KIF13B: variants seen among roughly 807,000 people sequenced by gnomAD.
The protein encoded by KIF13B is kinesin family member 13B.
Under a neutral mutation model 222.0 loss-of-function variants are expected in KIF13B, and 127 were observed. That is an observed-to-expected ratio of 0.57 (90% confidence interval 0.50 to 0.66). The LOEUF (loss-of-function observed/expected upper bound fraction) is 0.66. KIF13B is among the 30% of genes least tolerant of loss of function. KIF13B has a pLI of 0.00. For synonymous variants in KIF13B, 976 were observed against 919.0 expected (o/e 1.06, Z -1.12); for missense variants, 2,173 against 2,379.0 (o/e 0.91, Z 1.80).
chr8:29,247,344 T>C (rs1251687664), intron 1 of KIF13B, among the ~76,000 whole-genome samples: 1 of 152,162 alleles, frequency 6.6e-6, no homozygotes, highest in African/African-American at 2.4e-5. Context: ...GCTATGAGTG[T>C]GCCACTGCAC....
chr8:29,171,540 G>A (rs1006388111), intron 10 of KIF13B, among the ~76,000 whole-genome samples: 1 of 152,030 alleles, frequency 6.6e-6, no homozygotes, highest in African/African-American at 2.4e-5. Flanking sequence ...ACTAGGATCT[G>A]GGTGAGTCAG....
intron 14 of KIF13B, among the ~76,000 whole-genome samples, chr8:29,154,521 G>A (rs1185639177): frequency 6.6e-6 from 1 of 152,210 alleles, no homozygotes; most frequent in African/African-American, 2.4e-5. Flanking sequence ...GGTACTGTCA[G>A]AAAGTGGGAG....
chr8:29,167,955 CCTT>C (rs1022440401), intron 10 of KIF13B, among the ~76,000 whole-genome samples: 2 of 152,188 alleles, frequency 1.3e-5, no homozygotes, highest in African/African-American at 2.4e-5. Flanking sequence ...ACATCTTCCT[CCTT>C]AGAGGAACAA....
At chr8:29,253,683 A>T (rs1363611365) in intron 1 of KIF13B, among the ~76,000 whole-genome samples, 3 of 151,996 alleles carry the variant, frequency 2.0e-5, no homozygotes, top group Non-Finnish European at 4.4e-5. Context: ...TACAAAAATT[A>T]GCCAGGCAGG....
intron 37 of KIF13B, among the ~76,000 whole-genome samples, chr8:29,083,883 A>C (rs1223404544): frequency 6.6e-6 from 1 of 152,138 alleles, no homozygotes; most frequent in East Asian, 1.9e-4. Context: ...TTTAAGAAAA[A>C]TGAAGGCTGG....
rs1297826440 is a variant in KIF13B at position 29,071,056 on chromosome 8, G to GC, written c.5219-291dup. Reference sequence around the variant, plus strand: ...ACAGGCCCTGGGGGCCCTGGGGAGTGCCTTGTGGAAGCATAGGTGCAGGCC... The same window carrying GC: ...ACAGGCCCTGGGGGCCCTGGGGAGTGCCCTTGTGGAAGCATAGGTGCAGGCC... On this transcript the variant is annotated intron_variant, in intron 39 of 39. Coordinates refer to ENST00000524189, the MANE Select transcript of KIF13B (RefSeq NM_015254.4). This position sits in a 1 kb window ranked among gnomAD's most constrained non-coding sequence, Gnocchi z 4.9. Among the ~76,000 whole-genome samples the GC allele has an allele frequency of 6.6e-6, 1 of 152,204 alleles. No homozygotes were observed. Among genetic ancestry groups the GC allele is most frequent in the East Asian group, 1.9e-4 (1 of 5,186 alleles).
intron 36 of KIF13B, among the ~76,000 whole-genome samples, chr8:29,094,673 G>A (rs756521771): frequency 2.8e-4 from 42 of 152,092 alleles, no homozygotes; most frequent in Non-Finnish European, 5.9e-4. Context: ...ATGACCCACG[G>A]TCAACAAAGG....
chr8:29,133,873 T>A (rs1810449578), intron 22 of KIF13B, among the ~76,000 whole-genome samples, 167 bp downstream of exon 22: 4 of 152,234 alleles, frequency 2.6e-5, no homozygotes, highest in Admixed American at 2.6e-4. Flanking sequence ...ACCTTTGGGT[T>A]GTGGAGGAGT....
At position 29,072,162 on chromosome 8, in the gene KIF13B, C is replaced by A; in HGVS notation, c.4676G>T (p.Ser1559Ile). The A allele has an allele frequency of 1.4e-6, 2 of 1,422,862 alleles. No homozygotes were observed. The highest frequency in any genetic ancestry group is 1.8e-6 in the Non-Finnish European group (2 of 1,087,876). 88.1% of individuals were successfully genotyped at this position (1,422,862 alleles called of 1,614,324 possible). The change falls in exon 39 of 40, where the codon AGC becomes ATC. Residue 1559 changes from serine (S) to isoleucine (I), a missense_variant. Transcript: ENST00000524189. Reference sequence around the variant, plus strand: ...CCCGCTAGAGGCTTCACTCAGGGGGCTGGGGGGCCCGTCCTGTGCCTCCGG... The same window carrying A: ...CCCGCTAGAGGCTTCACTCAGGGGGATGGGGGGCCCGTCCTGTGCCTCCGG... ...PAPEAQDGPP[S>I]PLSEASSGYF...
intron 2 of KIF13B, among the ~76,000 whole-genome samples, chr8:29,233,679 A>G (rs1329094598): frequency 6.6e-6 from 1 of 152,224 alleles, no homozygotes; most frequent in Non-Finnish European, 1.5e-5. Flanking sequence ...TTTGAATTAG[A>G]AGCTGAGAAA....
intron 2 of KIF13B, among the ~76,000 whole-genome samples, chr8:29,221,095 T>C (rs1290245690): frequency 1.2e-5 from 1 of 84,760 alleles, no homozygotes; most frequent in East Asian, 2.3e-4. Flanking sequence ...GTGAGCTGTG[T>C]TCTTTTTTTT....
chr8:29,195,215 T>G (rs1286603674), intron 3 of KIF13B, among the ~76,000 whole-genome samples: 1 of 152,100 alleles, frequency 6.6e-6, no homozygotes, highest in Admixed American at 6.5e-5. Context: ...GCCACCGCAC[T>G]CCAGCCTGAG....
chr8:29,084,562 C>CATA (rs1264735421), intron 37 of KIF13B, among the ~76,000 whole-genome samples: 1 of 152,196 alleles, frequency 6.6e-6, no homozygotes, highest in Non-Finnish European at 1.5e-5. Context: ...GGGACAGACA[C>CATA]ATAAATCAAG....
chr8:29,076,922 C>T (rs1272304908), intron 37 of KIF13B, among the ~76,000 whole-genome samples: 3 of 152,078 alleles, frequency 2.0e-5, no homozygotes, highest in African/African-American at 7.2e-5. Flanking sequence ...CTGCAGTGAG[C>T]TATGATCACA....
intron 3 of KIF13B, 141 bp downstream of exon 3, chr8:29,196,046 A>T: frequency 1.3e-6 from 1 of 762,686 alleles, no homozygotes. Context: ...ATGGCTTCAG[A>T]TTTGTGAGTA....
chr8:29,248,584 T>C (rs946068363), intron 1 of KIF13B, among the ~76,000 whole-genome samples: 4 of 152,150 alleles, frequency 2.6e-5, no homozygotes, highest in Admixed American at 6.5e-5. Flanking sequence ...GTGAGACTTA[T>C]TCATTACCAT....
At chr8:29,168,359 G>A (rs577630616) in intron 10 of KIF13B, among the ~76,000 whole-genome samples, 192 of 152,200 alleles carry the variant, frequency 1.3e-3, no homozygotes, top group Non-Finnish European at 2.2e-3. Context: ...AAGCACAAAA[G>A]AAGACTTGGG....
intron 2 of KIF13B, among the ~76,000 whole-genome samples, chr8:29,230,706 T>C (rs1815247555): frequency 6.6e-6 from 1 of 152,054 alleles, no homozygotes; most frequent in Non-Finnish European, 1.5e-5. Context: ...GGTTGAAAAG[T>C]GATCAAAGGC....
chr8:29,207,713 G>C (rs1388004172), intron 2 of KIF13B, among the ~76,000 whole-genome samples: 2 of 151,916 alleles, frequency 1.3e-5, no homozygotes, highest in Non-Finnish European at 1.5e-5. Context: ...TGCTTTCAGA[G>C]ATGGAGAAAA....
Sources: allele counts gnomAD v4.1 joint callset (sites outside exome capture counted in the v4.1 genomes callset), GRCh38; gene constraint gnomAD v4.1.1; non-coding constraint Gnocchi (gnomAD v3.1); transcripts MANE v1.5; gene names NCBI Gene and HGNC (gene_info 2026-07-23, HGNC 2026-07-21).